MYO1D: variants seen among roughly 807,000 people sequenced by gnomAD.
MYO1D encodes the protein myosin ID.
Under a neutral mutation model 122.0 loss-of-function variants are expected in MYO1D, and 83 were observed. The ratio of observed to expected loss-of-function variants is 0.68; its 90% CI spans 0.57 to 0.82. The LOEUF is 0.82. Among genes scored for constraint, MYO1D ranks in the 40% least tolerant of loss-of-function variants. MYO1D has a pLI of 0.00. For missense variants in MYO1D, 1,157 were observed against 1,269.5 expected (o/e 0.91, Z 1.35); for synonymous variants, 464 against 446.9 (o/e 1.04, Z -0.48).
At chr17:32,822,564 G>C (rs2090679764) in intron 1 of MYO1D, among the ~76,000 whole-genome samples, 1 of 132,110 alleles carries the variant, frequency 7.6e-6, no homozygotes, top group African/African-American at 2.7e-5. Context: ...GACGGGGCCC[G>C]GGGAGCGTGG....
At chr17:32,573,052 G>A (rs145918830) in intron 21 of MYO1D, among the ~76,000 whole-genome samples, 58 of 146,098 alleles carry the variant, frequency 4.0e-4, no homozygotes, top group African/African-American at 1.1e-3. Flanking sequence ...CCTTCTATGC[G>A]TGGCACATAC....
At chr17:32,670,676 T>C (rs1170415237) in intron 16 of MYO1D, among the ~76,000 whole-genome samples, 1 of 152,194 alleles carries the variant, frequency 6.6e-6, no homozygotes, top group Non-Finnish European at 1.5e-5. Flanking sequence ...CCCTTCCCTG[T>C]TTTTACACCA....
chr17:32,860,519 A>G (rs1275825665), intron 1 of MYO1D, among the ~76,000 whole-genome samples: 1 of 152,190 alleles, frequency 6.6e-6, no homozygotes, highest in Non-Finnish European at 1.5e-5. Context: ...GTTATTTTGT[A>G]TTTGTATTGT....
intron 1 of MYO1D, among the ~76,000 whole-genome samples, chr17:32,825,279 TTTTC>T (rs1278290209): frequency 1.3e-5 from 2 of 152,160 alleles, no homozygotes; most frequent in Non-Finnish European, 2.9e-5. Context: ...TCTTTTTCTT[TTTTC>T]TTTATCTTAT....
intron 21 of MYO1D, among the ~76,000 whole-genome samples, chr17:32,532,372 G>A (rs375576295): frequency 4.7e-4 from 72 of 152,326 alleles, no homozygotes; most frequent in African/African-American, 1.4e-3. Context: ...ACAGTGTAGT[G>A]TCAACGTCTC....
At chr17:32,524,637 C>T (rs1056148725) in intron 21 of MYO1D, among the ~76,000 whole-genome samples, 1 of 149,172 alleles carries the variant, frequency 6.7e-6, no homozygotes, top group Non-Finnish European at 1.5e-5. Flanking sequence ...GATCTCGGCT[C>T]ACTGCAACCT....
rs549309411 is a variant in MYO1D at position 32,550,261 on chromosome 17, G to A, written c.2864+54826C>T. On this transcript the variant is annotated intron_variant, in intron 21 of 21. Coordinates refer to ENST00000318217, the MANE Select transcript of MYO1D (RefSeq NM_015194.3). ...ATTACAGGTGTGCACCACCATGGCC[G>A]GCTAATTTTTGTATTTTTAGTAGAG... Among the ~76,000 whole-genome samples, 6 of 152,068 alleles carry A rather than the reference G, an allele frequency of 3.9e-5. No individual in the cohort carries two copies. In the South Asian group the frequency reaches 8.3e-4, roughly 21 times the overall value.
chr17:32,812,133 AG>A (rs2151051139), intron 1 of MYO1D, among the ~76,000 whole-genome samples: 1 of 152,330 alleles, frequency 6.6e-6, no homozygotes, highest in East Asian at 1.9e-4. Context: ...GAAGTTGATA[AG>A]TTTAGTTTTG....
chr17:32,570,450 C>A (rs1008310130), intron 21 of MYO1D, among the ~76,000 whole-genome samples: 6 of 151,992 alleles, frequency 3.9e-5, no homozygotes, highest in African/African-American at 1.5e-4. Context: ...CTGCAAGCTC[C>A]GCCTTCCAGG....
In MYO1D at chr17:32,775,291, ACT is replaced by A. The variant is rs374975175; in HGVS notation, c.564+571_564+572del. ...ACTCCAGCCTGGATGACAGAGTGAG[ACT>A]CTGTCTCAAAAAACACAAAACCAAA... On this transcript the variant is annotated intron_variant, in intron 4 of 21. Transcript: ENST00000318217. Among the ~76,000 whole-genome samples, 506 of 150,316 alleles carry A rather than the reference ACT, an allele frequency of 3.4e-3. 1 individual carries two copies. Among genetic ancestry groups the A allele is most frequent in the African/African-American group, 0.012 (485 of 41,294 alleles).
intron 14 of MYO1D, among the ~76,000 whole-genome samples, chr17:32,736,133 T>G (rs1219851945): frequency 2.0e-5 from 3 of 152,046 alleles, no homozygotes. Flanking sequence ...ATTGTACTGA[T>G]AAGTTGTCTA....
At chr17:32,533,484 T>C (rs533446136) in intron 21 of MYO1D, among the ~76,000 whole-genome samples, 7 of 152,306 alleles carry the variant, frequency 4.6e-5, no homozygotes, top group African/African-American at 1.2e-4. Context: ...TTTTAACAGC[T>C]GCTGCCTGCC....
At chr17:32,803,792 A>G (rs1415598442) in intron 1 of MYO1D, among the ~76,000 whole-genome samples, 1 of 152,250 alleles carries the variant, frequency 6.6e-6, no homozygotes, top group Non-Finnish European at 1.5e-5. Context: ...ATTCCATATT[A>G]CAAAACAACA....
chr17:32,635,977 A>C (rs941249102), intron 20 of MYO1D, among the ~76,000 whole-genome samples: 2 of 152,164 alleles, frequency 1.3e-5, no homozygotes, highest in Admixed American at 6.5e-5. Flanking sequence ...GGGAAATTAG[A>C]GCTCATTTAG....
chr17:32,775,463 T>C (rs903354577), intron 4 of MYO1D, among the ~76,000 whole-genome samples: 8 of 152,102 alleles, frequency 5.3e-5, no homozygotes, highest in Non-Finnish European at 1.0e-4. Flanking sequence ...TATGTTACTA[T>C]AAAGCAATGA....
intron 16 of MYO1D, among the ~76,000 whole-genome samples, chr17:32,701,438 T>TTAGA (rs1644003697): frequency 6.6e-6 from 1 of 152,228 alleles, no homozygotes; most frequent in African/African-American, 2.4e-5. Context: ...ATCAAATTGG[T>TTAGA]TAGAATTCTC....
chr17:32,851,702 C>T (rs1372143137), intron 1 of MYO1D, among the ~76,000 whole-genome samples: 1 of 152,198 alleles, frequency 6.6e-6, no homozygotes, highest in Middle Eastern at 3.2e-3. Flanking sequence ...TGAAACTGTT[C>T]CACCTCAGAT....
intron 1 of MYO1D, among the ~76,000 whole-genome samples, chr17:32,865,913 A>G (rs1273144794): frequency 2.0e-5 from 3 of 152,224 alleles, no homozygotes; most frequent in Non-Finnish European, 2.9e-5. Flanking sequence ...GGAACCCTTC[A>G]CTTAAAAAAT....
intron 21 of MYO1D, among the ~76,000 whole-genome samples, chr17:32,549,853 T>A (rs1457461059): frequency 6.6e-6 from 1 of 152,200 alleles, no homozygotes. Context: ...TGTGAAAGCC[T>A]TTTGTATCCT....
Sources: gnomAD v4.1 joint callset for allele counts (sites outside exome capture counted in the v4.1 genomes callset) on GRCh38, gnomAD v4.1.1 for gene constraint, MANE v1.5 for transcripts, NCBI Gene and HGNC (gene_info 2026-07-23, HGNC 2026-07-21) for gene names.